KALRN: variants seen among roughly 807,000 people sequenced by gnomAD.
KALRN encodes kalirin RhoGEF kinase, also known as kalirin.
A neutral mutation model predicts 353.7 loss-of-function variants in KALRN; 70 were observed. The observed-to-expected ratio is 0.20, with a 90% confidence interval of 0.16 to 0.24. KALRN has a LOEUF of 0.24. Among genes scored for constraint, KALRN ranks in the 10% least tolerant of loss-of-function variants. KALRN has a pLI of 1.00. For synonymous variants in KALRN, 1,391 were observed against 1,434.8 expected (o/e 0.97, Z 0.69); for missense variants, 2,791 against 3,756.7 (o/e 0.74, Z 6.72).
At chr3:124,629,002 T>A (rs189491799) in intron 34 of KALRN, among the ~76,000 whole-genome samples, 61 of 152,318 alleles carry the variant, frequency 4.0e-4, no homozygotes, top group African/African-American at 1.3e-3. Context: ...AAAGTCATTA[T>A]AGGAAAAGGT....
intron 13 of KALRN, among the ~76,000 whole-genome samples, chr3:124,410,020 A>C (rs3755663): frequency 0.015 from 2,215 of 152,244 alleles, 75 homozygotes; most frequent in East Asian, 0.077. Flanking sequence ...TGGGTTCCTC[A>C]ATTCAATGGT....
At chr3:124,645,498 G>T (rs1708309) in intron 37 of KALRN, among the ~76,000 whole-genome samples, 35,556 of 151,930 alleles carry the variant, frequency 0.23, 4,427 homozygotes, top group East Asian at 0.47. Flanking sequence ...CTTGAGTTAA[G>T]TTTTGTTTAA....
rs972949940 is a variant in KALRN at position 124,251,431 on chromosome 3, T to C, written c.264-13067T>C. 1.4e-4 allele frequency among the ~76,000 whole-genome samples: 21 copies of C among 150,362 alleles called. No homozygotes were observed. In the Admixed American group the frequency reaches 1.4e-3, roughly 10 times the overall value. On this transcript the variant is annotated intron_variant, in intron 3 of 59. Coordinates refer to ENST00000682506, the MANE Select transcript of KALRN (RefSeq NM_001388419.1). ...TGTTGCCCAGACTGGAGTGCAGTAG[T>C]GCAATTTGGCTTACTGCCACCTCCA...
intron 17 of KALRN, among the ~76,000 whole-genome samples, chr3:124,435,010 C>A (rs765189710): frequency 6.6e-5 from 10 of 152,188 alleles, no homozygotes; most frequent in Non-Finnish European, 1.5e-4. Context: ...CTGAAGCCAT[C>A]TCAGGCACAT....
chr3:124,291,906 C>G (rs144821687), intron 5 of KALRN, among the ~76,000 whole-genome samples: 1 of 152,172 alleles, frequency 6.6e-6, no homozygotes, highest in African/African-American at 2.4e-5. Flanking sequence ...TTTATTACAC[C>G]TACAGCCTCT....
chr3:124,603,830 T>A (rs2077049221), intron 34 of KALRN, among the ~76,000 whole-genome samples: 1 of 152,144 alleles, frequency 6.6e-6, no homozygotes, highest in Non-Finnish European at 1.5e-5. Flanking sequence ...AGAATGAAGG[T>A]GTTTTTACCT....
rs147427787 is a variant in KALRN at position 124,603,816 on chromosome 3, G to A, written c.5183-28604G>A. ...ACTTTGAACTTGATGGGGGCAAAAG[G>A]GGGAGAATGAAGGTGTTTTTACCTT... On this transcript the variant is annotated intron_variant, in intron 34 of 59. Transcript: ENST00000682506. Among the ~76,000 whole-genome samples the A allele has an allele frequency of 3.7e-3, 566 of 152,176 alleles. 3 individuals carry two copies. Among genetic ancestry groups the A allele is most frequent in the Non-Finnish European group, 5.9e-3 (402 of 67,998 alleles).
At chr3:124,383,292 C>T (rs653269) in intron 10 of KALRN, among the ~76,000 whole-genome samples, 7 of 151,978 alleles carry the variant, frequency 4.6e-5, no homozygotes, top group Non-Finnish European at 7.4e-5. Context: ...TCAACCCTAG[C>T]GTCTCAGTTT....
At chr3:124,699,750 T>A in intron 55 of KALRN, 119 bp from the exon 56 acceptor site, 5 of 946,614 alleles carry the variant, frequency 5.3e-6, no homozygotes, top group South Asian at 3.2e-5. Context: ...CCTGACACGG[T>A]AACCACAAGC....
chr3:124,221,955 G>A (rs1232084185), intron 1 of KALRN, among the ~76,000 whole-genome samples: 1 of 152,162 alleles, frequency 6.6e-6, no homozygotes, highest in Non-Finnish European at 1.5e-5. Flanking sequence ...CCAGGTGGGC[G>A]CACCCCTCCT....
At chr3:124,437,803 A>G (rs2093532279) in intron 17 of KALRN, among the ~76,000 whole-genome samples, 1 of 152,070 alleles carries the variant, frequency 6.6e-6, no homozygotes, top group Admixed American at 6.6e-5. Flanking sequence ...CAAGTAATCA[A>G]AGTCTATTGA....
intron 13 of KALRN, among the ~76,000 whole-genome samples, chr3:124,411,915 T>A (rs1336111225): frequency 1.3e-5 from 2 of 152,164 alleles, no homozygotes; most frequent in African/African-American, 2.4e-5. Context: ...AATACTGGGT[T>A]TTCCTGCTGA....
At chr3:124,593,714 G>T (rs1048130172) in intron 34 of KALRN, among the ~76,000 whole-genome samples, 4 of 152,198 alleles carry the variant, frequency 2.6e-5, no homozygotes, top group Admixed American at 6.5e-5. Context: ...TTTCACAGGG[G>T]TGTCAGGGAA....
intron 21 of KALRN, among the ~76,000 whole-genome samples, chr3:124,449,618 G>T (rs1161494780): frequency 6.6e-6 from 1 of 152,120 alleles, no homozygotes; most frequent in Non-Finnish European, 1.5e-5. Flanking sequence ...TCACAAAGTT[G>T]TGCAAACATT....
intron 34 of KALRN, chr3:124,584,848 C>T: frequency 6.2e-7 from 1 of 1,606,880 alleles, no homozygotes; most frequent in Admixed American, 1.7e-5. Context: ...GGGCTTACAC[C>T]CGAGGTCCCT....
intron 5 of KALRN, among the ~76,000 whole-genome samples, chr3:124,278,106 C>A (rs2074958803): frequency 6.6e-6 from 1 of 151,198 alleles, no homozygotes; most frequent in South Asian, 2.1e-4. Context: ...GACAGGCCTT[C>A]TGTTGGGGCT....
chr3:124,457,706 C>T (rs1275645408), intron 23 of KALRN, among the ~76,000 whole-genome samples: 3 of 152,122 alleles, frequency 2.0e-5, no homozygotes, highest in Admixed American at 6.5e-5. Flanking sequence ...TAATTTTCCC[C>T]AAACCACACA....
intron 1 of KALRN, among the ~76,000 whole-genome samples, chr3:124,145,635 T>C (rs1040716154): frequency 5.3e-5 from 8 of 152,198 alleles, no homozygotes; most frequent in Non-Finnish European, 7.3e-5. Flanking sequence ...GAGCAGCTAG[T>C]ATGTGCCCAG....
intron 57 of KALRN, among the ~76,000 whole-genome samples, chr3:124,712,656 G>GAAA (rs33926628): frequency 2.1e-4 from 19 of 91,628 alleles, no homozygotes; most frequent in African/African-American, 6.0e-4. Flanking sequence ...CCCTGTCTCA[G>GAAA]AAAAAAAAAA....
Sources: allele counts gnomAD v4.1 joint callset (sites outside exome capture counted in the v4.1 genomes callset), GRCh38; gene constraint gnomAD v4.1.1; transcripts MANE v1.5; gene names NCBI Gene and HGNC (gene_info 2026-07-23, HGNC 2026-07-21).